Variants in AKAP14 observed in about 807,000 individuals in gnomAD.
AKAP14 encodes A-kinase anchoring protein 14, also known as A-kinase anchor protein 14.
Under a neutral mutation model 17.0 loss-of-function variants are expected in AKAP14, and 4 were observed. The ratio of observed to expected loss-of-function variants is 0.23; its 90% CI spans 0.12 to 0.54. The LOEUF is 0.54. Ranked by LOEUF, AKAP14 falls within the 20% of genes least tolerant of loss-of-function variation. The pLI, the probability that AKAP14 is intolerant of heterozygous loss-of-function variation, is 0.95. For missense variants in AKAP14, 129 were observed against 150.9 expected (o/e 0.85, Z 0.76); for synonymous variants, 42 against 51.3 (o/e 0.82, Z 0.77).
intron 4 of AKAP14, among the ~76,000 whole-genome samples, chrX:119,910,181 A>G (rs1192563796): frequency 1.8e-5 from 2 of 111,462 alleles, no homozygotes; most frequent in Non-Finnish European, 3.8e-5. Flanking sequence ...AGGAATAATG[A>G]TACATGAAAG....
intron 5 of AKAP14, 33 bp downstream of exon 5, chrX:119,914,911 T>C (rs2056648862): frequency 8.7e-7 from 1 of 1,154,793 alleles, no homozygotes; most frequent in African/African-American, 1.8e-5. Flanking sequence ...TCAGTGAGGC[T>C]TCAGTGAGAA....
At chrX:119,913,942 AT>A (rs761937108) in intron 4 of AKAP14, among the ~76,000 whole-genome samples, 136 of 110,958 alleles carry the variant, frequency 1.2e-3, no homozygotes, top group African/African-American at 4.3e-3. Flanking sequence ...CAATAAAAAA[AT>A]ATTAGGAGTG....
At chrX:119,917,192 T>G (rs189951270) in intron 5 of AKAP14, among the ~76,000 whole-genome samples, 5,155 of 109,947 alleles carry the variant, frequency 0.047, 136 homozygotes, top group African/African-American at 0.097. Context: ...AAATTTAAAG[T>G]GCTGGCAGGG....
At chrX:119,913,271 T>C (rs2056638738) in intron 4 of AKAP14, among the ~76,000 whole-genome samples, 2 of 112,381 alleles carry the variant, frequency 1.8e-5, no homozygotes, top group African/African-American at 6.4e-5. Flanking sequence ...CCTGAACTTA[T>C]TTTATATACC....
intron 4 of AKAP14, among the ~76,000 whole-genome samples, chrX:119,912,763 G>A (rs73218804): frequency 0.06 from 6,660 of 111,031 alleles, 228 homozygotes; most frequent in Non-Finnish European, 0.09. Flanking sequence ...AGGGGAATAC[G>A]TTTTCAGACC....
At chrX:119,903,142 A>T in intron 2 of AKAP14, 72 bp from the exon 3 acceptor site, 3 of 993,661 alleles carry the variant, frequency 3.0e-6, no homozygotes, top group Non-Finnish European at 4.1e-6. Context: ...TCAAGAGATG[A>T]TCTGTACTTA....
At chrX:119,912,880 C>A (rs959023410) in intron 4 of AKAP14, among the ~76,000 whole-genome samples, 1 of 111,069 alleles carries the variant, frequency 9.0e-6, no homozygotes, top group Non-Finnish European at 1.9e-5. Context: ...TATTAGAATC[C>A]GCAGTGGTGG....
intron 5 of AKAP14, among the ~76,000 whole-genome samples, chrX:119,916,236 A>G (rs935181651): frequency 1.8e-5 from 2 of 109,643 alleles, no homozygotes; most frequent in African/African-American, 6.6e-5. Flanking sequence ...GAGTGGTACA[A>G]TCAGAGCTCA....
At chrX:119,913,927 G>T (rs1428528201) in intron 4 of AKAP14, among the ~76,000 whole-genome samples, 1 of 109,735 alleles carries the variant, frequency 9.1e-6, no homozygotes, top group Non-Finnish European at 1.9e-5. Flanking sequence ...ACCCTAGTTT[G>T]ACCCCAATAA....
chrX:119,909,196 G>A (rs189557876), intron 4 of AKAP14, among the ~76,000 whole-genome samples: 1 of 111,543 alleles, frequency 9.0e-6, no homozygotes, highest in East Asian at 2.8e-4. Flanking sequence ...GAAAAAAAAG[G>A]CATGCTCTGG....
intron 2 of AKAP14, 24 bp from the exon 3 acceptor site, chrX:119,903,190 A>G: frequency 8.4e-7 from 1 of 1,194,412 alleles, no homozygotes; most frequent in Non-Finnish European, 1.1e-6. Context: ...ACACAGGCAC[A>G]CAGTAACTTC....
intron 4 of AKAP14, among the ~76,000 whole-genome samples, chrX:119,911,643 A>C (rs1040352640): frequency 1.8e-5 from 2 of 111,522 alleles, no homozygotes; most frequent in African/African-American, 6.5e-5. Context: ...AAACATGGGG[A>C]ATAGTGCTAG....
At chrX:119,899,690 G>A (rs1431973016) in intron 2 of AKAP14, among the ~76,000 whole-genome samples, 1 of 111,698 alleles carries the variant, frequency 9.0e-6, no homozygotes, top group African/African-American at 3.3e-5. Context: ...ATTTATGGGT[G>A]CAGTCAGGTT....
At chrX:119,917,580 G>A (rs2056666741) in intron 5 of AKAP14, among the ~76,000 whole-genome samples, 1 of 109,111 alleles carries the variant, frequency 9.2e-6, no homozygotes, top group African/African-American at 3.3e-5. Context: ...ACTCCAGCCT[G>A]GGTACCAAGA....
At chrX:119,897,369 C>T (rs1204450006) in intron 2 of AKAP14, among the ~76,000 whole-genome samples, 1 of 107,994 alleles carries the variant, frequency 9.3e-6, no homozygotes, top group Non-Finnish European at 1.9e-5. Flanking sequence ...CTGTGTTAGC[C>T]AGGATGGTCT....
At chrX:119,912,132 T>C (rs2056631043) in intron 4 of AKAP14, among the ~76,000 whole-genome samples, 1 of 109,780 alleles carries the variant, frequency 9.1e-6, no homozygotes, top group South Asian at 3.9e-4. Flanking sequence ...GGTTTCACCA[T>C]GTTGGCCGAG....
At chrX:119,903,779 A>G in intron 4 of AKAP14, 193 bp downstream of exon 4, 1 of 757,039 alleles carries the variant, frequency 1.3e-6, no homozygotes, top group East Asian at 3.6e-5. Flanking sequence ...GAAATGCACA[A>G]TCACAATCAT....
At chrX:119,917,100 C>T (rs979718436) in intron 5 of AKAP14, among the ~76,000 whole-genome samples, 1 of 98,689 alleles carries the variant, frequency 1.0e-5, no homozygotes, top group Admixed American at 1.1e-4. Flanking sequence ...AGCGAGACTC[C>T]GTCTCCAAAA....
chrX:119,917,843 A>C (rs1362109721), intron 5 of AKAP14, among the ~76,000 whole-genome samples: 1 of 112,671 alleles, frequency 8.9e-6, no homozygotes. Context: ...TCTTGTTAAA[A>C]TGAAGAATCT....
Sources: allele counts gnomAD v4.1 joint callset (sites outside exome capture counted in the v4.1 genomes callset), GRCh38; gene constraint gnomAD v4.1.1; transcripts MANE v1.5; gene names NCBI Gene and HGNC (gene_info 2026-07-23, HGNC 2026-07-21).